Variants in DLG2 observed in about 807,000 individuals in gnomAD.
DLG2 encodes disks large homolog 2.
A neutral mutation model predicts 132.5 loss-of-function variants in DLG2; 45 were observed. That is an observed-to-expected ratio of 0.34 (90% CI 0.27 to 0.44). The LOEUF (loss-of-function observed/expected upper bound fraction) is 0.44. Ranked by LOEUF, DLG2 falls within the 20% of genes least tolerant of loss-of-function variation. DLG2 has a pLI of 1.00. For synonymous variants in DLG2, 424 were observed against 419.6 expected (o/e 1.01, Z -0.13); for missense variants, 1,045 against 1,196.9 (o/e 0.87, Z 1.87).
intron 10 of DLG2, among the ~76,000 whole-genome samples, chr11:84,059,778 G>T (rs1353493879): frequency 6.6e-6 from 1 of 152,042 alleles, no homozygotes; most frequent in African/African-American, 2.4e-5. Flanking sequence ...AGAAGGGCAT[G>T]TATTTTAAGG....
At chr11:85,585,772 G>A (rs1274900223) in intron 3 of DLG2, among the ~76,000 whole-genome samples, 1 of 151,232 alleles carries the variant, frequency 6.6e-6, no homozygotes, top group East Asian at 1.9e-4. Context: ...GGAGTGCAGT[G>A]GCATGATCTT....
intron 11 of DLG2, among the ~76,000 whole-genome samples, chr11:84,025,622 T>C (rs1277041248): frequency 6.6e-6 from 1 of 152,180 alleles, no homozygotes; most frequent in Non-Finnish European, 1.5e-5. Flanking sequence ...TCTAGAAACA[T>C]GAATGGAAAC....
At chr11:84,597,749 C>G (rs577897789) in intron 6 of DLG2, among the ~76,000 whole-genome samples, 1 of 152,238 alleles carries the variant, frequency 6.6e-6, no homozygotes, top group South Asian at 2.1e-4. Context: ...ATCCATTGAT[C>G]AATTACAGCA....
chr11:84,469,590 T>C (rs887243352), intron 7 of DLG2, among the ~76,000 whole-genome samples: 2 of 151,632 alleles, frequency 1.3e-5, no homozygotes, highest in African/African-American at 4.8e-5. Flanking sequence ...AACATTACTA[T>C]CATTAAATAT....
intron 19 of DLG2, among the ~76,000 whole-genome samples, chr11:83,602,700 T>C (rs1168491592): frequency 6.6e-6 from 1 of 152,168 alleles, no homozygotes; most frequent in Non-Finnish European, 1.5e-5. Flanking sequence ...CTGTGTAAAT[T>C]TGGATACATT....
At chr11:83,631,313 T>TTTA (rs2063526558) in intron 19 of DLG2, 1 of 151,958 alleles carries the variant, frequency 6.6e-6, no homozygotes, top group Non-Finnish European at 1.5e-5. Flanking sequence ...CTTAGAGTCA[T>TTTA]TTAGATGCTA....
intron 4 of DLG2, among the ~76,000 whole-genome samples, chr11:85,202,644 G>C (rs1007469465): frequency 1.3e-5 from 2 of 151,996 alleles, no homozygotes; most frequent in Non-Finnish European, 2.9e-5. Context: ...CATATGTTAA[G>C]CCACGAAACA....
intron 3 of DLG2, among the ~76,000 whole-genome samples, chr11:85,591,364 T>C (rs1350711343): frequency 6.6e-6 from 1 of 152,208 alleles, no homozygotes; most frequent in Non-Finnish European, 1.5e-5. Flanking sequence ...TGAATCCCTG[T>C]TCCAGGCAGA....
chr11:85,109,545 A>G (rs2072363365), intron 6 of DLG2, among the ~76,000 whole-genome samples: 1 of 152,140 alleles, frequency 6.6e-6, no homozygotes, highest in Admixed American at 6.5e-5. Context: ...GATTTATAAT[A>G]ATTCAAAAGA....
intron 6 of DLG2, among the ~76,000 whole-genome samples, chr11:84,786,618 T>C (rs531056845): frequency 6.6e-6 from 1 of 152,274 alleles, no homozygotes; most frequent in South Asian, 2.1e-4. Flanking sequence ...ATCAATTCCA[T>C]TGTTAGGCCT....
At chr11:85,248,425 GA>G (rs2076240599) in intron 4 of DLG2, among the ~76,000 whole-genome samples, 1 of 151,692 alleles carries the variant, frequency 6.6e-6, no homozygotes, top group African/African-American at 2.4e-5. Context: ...TTTAATTAAA[GA>G]TTTTTTTTAC....
At chr11:83,943,813 T>A (rs78635374) in intron 14 of DLG2, among the ~76,000 whole-genome samples, 7,148 of 152,282 alleles carry the variant, frequency 0.047, 204 homozygotes, top group East Asian at 0.15. Flanking sequence ...GAGCGCAAGC[T>A]TTTGGGCTAG....
At chr11:85,028,345 G>GTT (rs2060713985) in intron 6 of DLG2, among the ~76,000 whole-genome samples, 1 of 152,190 alleles carries the variant, frequency 6.6e-6, no homozygotes, top group African/African-American at 2.4e-5. Flanking sequence ...CTCACTGTAA[G>GTT]CCACGGACTC....
At chr11:85,377,967 AAT>A (rs759191487) in intron 3 of DLG2, among the ~76,000 whole-genome samples, 5 of 151,760 alleles carry the variant, frequency 3.3e-5, no homozygotes, top group Non-Finnish European at 7.4e-5. Flanking sequence ...TACAGAAAGA[AAT>A]AGAGACTGAA....
At chr11:85,549,359 A>T (rs2076527369) in intron 3 of DLG2, among the ~76,000 whole-genome samples, 1 of 152,182 alleles carries the variant, frequency 6.6e-6, no homozygotes, top group African/African-American at 2.4e-5. Flanking sequence ...TCAGCTGGAA[A>T]TGCAGAAATC....
At chr11:85,454,985 T>A (rs2092372924) in intron 3 of DLG2, among the ~76,000 whole-genome samples, 1 of 152,148 alleles carries the variant, frequency 6.6e-6, no homozygotes, top group Non-Finnish European at 1.5e-5. Context: ...TTTTTGCTTA[T>A]AATTGTTTGG....
chr11:84,334,361 A>G (rs1286103755), intron 7 of DLG2, among the ~76,000 whole-genome samples: 1 of 152,152 alleles, frequency 6.6e-6, no homozygotes, highest in Non-Finnish European at 1.5e-5. Context: ...ACTCCTGTGC[A>G]TTTTGCTAAT....
chr11:85,068,930 C>T (rs1044196660), intron 6 of DLG2, among the ~76,000 whole-genome samples: 1 of 152,140 alleles, frequency 6.6e-6, no homozygotes, highest in African/African-American at 2.4e-5. Flanking sequence ...ACCAAAACAG[C>T]ATGGTACTGG....
intron 6 of DLG2, chr11:84,640,078 G>A: frequency 6.4e-6 from 2 of 312,616 alleles, no homozygotes; most frequent in South Asian, 3.6e-5. Context: ...ATTGTGAAGG[G>A]CCCCAGAGGA....
Sources: allele counts gnomAD v4.1 joint callset (sites outside exome capture counted in the v4.1 genomes callset), GRCh38; gene constraint gnomAD v4.1.1; transcripts MANE v1.5; gene names NCBI Gene and HGNC (gene_info 2026-07-23, HGNC 2026-07-21).